NLRP14: variants seen among roughly 807,000 people sequenced by gnomAD.
The protein encoded by NLRP14 is NLR family pyrin domain containing 14.
NLRP14 carries 105 observed loss-of-function variants against 94.7 expected under a neutral mutation model. The ratio of observed to expected loss-of-function variants is 1.11; its 90% CI spans 0.95 to 1.30. The LOEUF is 1.30. Among genes scored for constraint, NLRP14 ranks in the 50% most tolerant of loss-of-function variants. The pLI, the probability that NLRP14 is intolerant of heterozygous loss-of-function variation, is 0.00. For synonymous variants in NLRP14, 508 were observed against 459.9 expected (o/e 1.10, Z -1.34); for missense variants, 1,362 against 1,254.1 (o/e 1.09, Z -1.30).
the NLRP14 span, among the ~76,000 whole-genome samples, chr11:7,082,960 T>A: frequency 6.6e-6 from 1 of 152,264 alleles, no homozygotes; most frequent in Non-Finnish European, 1.5e-5. Flanking sequence ...AATAGAGCTA[T>A]ACTTTATTGT....
chr11:7,042,023 C>CTT (rs1229427910), intron 3 of NLRP14, among the ~76,000 whole-genome samples: 3 of 138,178 alleles, frequency 2.2e-5, no homozygotes, highest in African/African-American at 8.0e-5. Flanking sequence ...TGCCTCTGTT[C>CTT]TTTTTTTTTT....
At chr11:7,076,623 T>A in the NLRP14 span, among the ~76,000 whole-genome samples, 1 of 152,028 alleles carries the variant, frequency 6.6e-6, no homozygotes, top group African/African-American at 2.4e-5. Context: ...CTCAGAGAGG[T>A]TGAGCACTCT....
intron 3 of NLRP14, among the ~76,000 whole-genome samples, 194 bp from the exon 4 acceptor site, chr11:7,042,194 T>C (rs1852262730): frequency 6.6e-6 from 1 of 152,122 alleles, no homozygotes; most frequent in Non-Finnish European, 1.5e-5. Context: ...TTACAGTATC[T>C]AATACAGGTT....
rs539380827 is a variant in NLRP14 at position 7,035,999 on chromosome 11, C to T, written c.-21-2567C>T. 3.9e-5 allele frequency among the ~76,000 whole-genome samples: 6 copies of T among 152,206 alleles called. No homozygotes were observed. In the East Asian group the frequency reaches 5.8e-4, roughly 15 times the overall value. On this transcript the variant is annotated intron_variant, in intron 1 of 11. Transcript: ENST00000299481. ...GCAAGTTTCTTAATTTCTGAGACTCCGTATCTATAAATGTGGATAAAATCA... is the reference window on the plus strand; with the variant it reads ...GCAAGTTTCTTAATTTCTGAGACTCTGTATCTATAAATGTGGATAAAATCA...
At chr11:7,084,529 T>C in the NLRP14 span, among the ~76,000 whole-genome samples, 1 of 152,182 alleles carries the variant, frequency 6.6e-6, no homozygotes, top group Non-Finnish European at 1.5e-5. Context: ...GTCTATGTCA[T>C]GAAGCCTCCA....
Position 7,062,332 on chromosome 11 carries a change from G to T in NLRP14, c.2805-1G>T. 6.2e-7 allele frequency: 1 copy of T among 1,611,832 alleles called. No individual in the cohort carries two copies. The highest frequency in any genetic ancestry group is 8.5e-7 in the Non-Finnish European group (1 of 1,178,204). On this transcript the variant is annotated splice_acceptor_variant, in intron 9 of 11. Coordinates refer to ENST00000299481, the MANE Select transcript of NLRP14 (RefSeq NM_176822.4). LOFTEE classifies it high-confidence loss of function. ...CACTTTTCCTATTGTAATTCTTACA[G>T]ATTGATGGGCTGTGTTCTCACTAAT...
chr11:7,027,277 T>C (rs1461013209), intron 1 of NLRP14, among the ~76,000 whole-genome samples: 1 of 151,822 alleles, frequency 6.6e-6, no homozygotes, highest in Non-Finnish European at 1.5e-5. Flanking sequence ...CAAAATACCA[T>C]AAACTAGATG....
At position 7,058,386 on chromosome 11, in the gene NLRP14, G is replaced by A. The variant is rs1852553190; in HGVS notation, c.2569G>A (p.Asp857Asn). ...HLCLADNVLG[D>N]GGVKLMSDAL... ...GTGCTTGGCAGACAATGTCTTGGGTGATGGTGGAGTAAAGCTTATGAGTGA... is the reference window on the plus strand; with the variant it reads ...GTGCTTGGCAGACAATGTCTTGGGTAATGGTGGAGTAAAGCTTATGAGTGA... The change falls in exon 8 of 12, where the codon GAT (aspartate) becomes AAT (asparagine). Residue 857 changes from aspartate to asparagine, a missense_variant. Asp to Asn is a conservative substitution (Grantham distance 23). Coordinates refer to ENST00000299481, the MANE Select transcript of NLRP14 (RefSeq NM_176822.4). The A allele has an allele frequency of 6.2e-7, 1 of 1,612,908 alleles. No homozygotes were observed. The highest frequency in any genetic ancestry group is 1.7e-5 in the Admixed American group (1 of 59,932).
At chr11:7,075,902 C>A (rs1472917901), downstream of NLRP14, among the ~76,000 whole-genome samples, 1 of 152,084 alleles carries the variant, frequency 6.6e-6, no homozygotes, top group Non-Finnish European at 1.5e-5. Flanking sequence ...CATAAAAGCC[C>A]ACAGTTATGT....
intron 5 of NLRP14, among the ~76,000 whole-genome samples, chr11:7,049,256 G>A (rs2119645170): frequency 6.6e-6 from 1 of 152,290 alleles, no homozygotes; most frequent in Non-Finnish European, 1.5e-5. Context: ...TCCCCAAGAT[G>A]GCACAGCATG....
chr11:7,046,578 C>A, intron 4 of NLRP14, 90 bp from the exon 5 acceptor site: 1 of 1,262,046 alleles, frequency 7.9e-7, no homozygotes, highest in Non-Finnish European at 1.2e-6. Context: ...CCAAAGTACA[C>A]TTACTTTTAC....
Position 7,043,471 on chromosome 11 carries a change from A to G in NLRP14, c.1445A>G (p.His482Arg), listed in dbSNP as rs752097150. The G allele has an allele frequency of 1.2e-6, 2 of 1,614,178 alleles. No individual in the cohort carries two copies. The highest frequency in any genetic ancestry group is 1.7e-6 in the Non-Finnish European group (2 of 1,180,030). Reference sequence around the variant, plus strand: ...AACTGCTATGTGTTCACCCACCTTCATGTTCAGGAGTTTTTTGCAGCTATG... The same window carrying G: ...AACTGCTATGTGTTCACCCACCTTCGTGTTCAGGAGTTTTTTGCAGCTATG... ...YENCYVFTHLHVQEFFAAMFY... is the reference protein window; with the variant it reads ...YENCYVFTHLRVQEFFAAMFY... The change falls in exon 4 of 12, where the codon CAT becomes CGT. Residue 482 changes from histidine to arginine, a missense_variant. His to Arg is a conservative substitution (Grantham distance 29). Transcript: ENST00000299481.
intron 3 of NLRP14, 36 bp downstream of exon 3, chr11:7,039,821 A>G: frequency 5.2e-6 from 8 of 1,525,826 alleles, no homozygotes; most frequent in Non-Finnish European, 7.3e-6. Flanking sequence ...TTTGGGAGGC[A>G]TTCAAAGTTT....
chr11:7,045,495 A>G (rs984202047), intron 4 of NLRP14, among the ~76,000 whole-genome samples: 25 of 152,248 alleles, frequency 1.6e-4, no homozygotes, highest in African/African-American at 5.8e-4. Flanking sequence ...ATATAACTAC[A>G]TTGTAAGCTT....
chr11:7,026,411 A>C (rs1852014262), intron 1 of NLRP14, among the ~76,000 whole-genome samples: 1 of 152,370 alleles, frequency 6.6e-6, no homozygotes, highest in Non-Finnish European at 1.5e-5. Context: ...GAAAATGCTC[A>C]TCATCACTGG....
chr11:7,077,084 G>A, the NLRP14 span, among the ~76,000 whole-genome samples: 1 of 152,098 alleles, frequency 6.6e-6, no homozygotes, highest in African/African-American at 2.4e-5. Flanking sequence ...TGGGAGTCCC[G>A]GGATTCTATC....
chr11:7,090,048 G>C, the NLRP14 span: 1 of 1,612,820 alleles, frequency 6.2e-7, no homozygotes, highest in Non-Finnish European at 8.5e-7. Context: ...CCGCTACGAG[G>C]AGTACCGGGG....
At chr11:7,055,328 A>G (rs1477426433) in intron 6 of NLRP14, among the ~76,000 whole-genome samples, 1 of 152,098 alleles carries the variant, frequency 6.6e-6, no homozygotes, top group Non-Finnish European at 1.5e-5. Flanking sequence ...AGAAACAAAA[A>G]GCTCCTGCAA....
intron 6 of NLRP14, among the ~76,000 whole-genome samples, chr11:7,054,115 T>C (rs1481982291): frequency 1.3e-5 from 2 of 152,162 alleles, no homozygotes; most frequent in Admixed American, 6.5e-5. Context: ...GTTCTATCCA[T>C]GTTGTTGCAA....
Sources: gnomAD v4.1 joint callset for allele counts (sites outside exome capture counted in the v4.1 genomes callset) on GRCh38, gnomAD v4.1.1 for gene constraint, MANE v1.5 for transcripts, NCBI Gene and HGNC (gene_info 2026-07-23, HGNC 2026-07-21) for gene names.